Variants in RBFOX1 observed in about 807,000 individuals in gnomAD.
RBFOX1 encodes RNA binding fox-1 homolog 1.
A neutral mutation model predicts 57.7 loss-of-function variants in RBFOX1; 8 were observed. The observed-to-expected ratio is 0.14, with a 90% CI of 0.08 to 0.25. RBFOX1 has a LOEUF of 0.25. RBFOX1 is among the 10% of genes least tolerant of loss of function. RBFOX1 has a pLI of 1.00. For missense variants in RBFOX1, 611 were observed against 548.5 expected, an observed-to-expected ratio of 1.11 and a Z score of -1.14; for synonymous variants, 326 against 222.4, an observed-to-expected ratio of 1.47 and a Z score of -4.15.
intron 2 of RBFOX1, among the ~76,000 whole-genome samples, chr16:6,480,363 A>C (rs2095354352): frequency 6.6e-6 from 1 of 152,248 alleles, no homozygotes; most frequent in African/African-American, 2.4e-5. Context: ...TCTCACAGAC[A>C]CTAAACTCCG....
intron 3 of RBFOX1, among the ~76,000 whole-genome samples, chr16:5,790,239 A>G (rs1181332809): frequency 6.6e-6 from 1 of 152,244 alleles, no homozygotes; most frequent in Non-Finnish European, 1.5e-5. Flanking sequence ...TTCCATGGCC[A>G]TGCCTTGTGG....
intron 3 of RBFOX1, among the ~76,000 whole-genome samples, chr16:6,864,989 C>CTTTT (rs1555544471): frequency 5.7e-5 from 6 of 105,798 alleles, no homozygotes; most frequent in African/African-American, 1.5e-4. Flanking sequence ...GTGGGTTTTT[C>CTTTT]TTTTTCTTTT....
chr16:7,035,383 G>A (rs1033432320), intron 3 of RBFOX1, among the ~76,000 whole-genome samples: 1 of 152,178 alleles, frequency 6.6e-6, no homozygotes, highest in Non-Finnish European at 1.5e-5. Flanking sequence ...TACGGATCAC[G>A]TTATACACTT....
chr16:7,368,569 G>T (rs1002494676), intron 4 of RBFOX1, among the ~76,000 whole-genome samples: 2 of 151,922 alleles, frequency 1.3e-5, no homozygotes, highest in African/African-American at 4.8e-5. Flanking sequence ...ATGAGGTCAG[G>T]AGATCAAGAC....
At chr16:7,207,910 G>A (rs911950894) in intron 4 of RBFOX1, among the ~76,000 whole-genome samples, 1 of 152,126 alleles carries the variant, frequency 6.6e-6, no homozygotes, top group Admixed American at 6.6e-5. Context: ...AACTCCACAG[G>A]GTGCATCCTC....
rs184128259 is a variant in RBFOX1 at position 5,606,186 on chromosome 16, A to G, written c.318+7225A>G. 3.0e-3 allele frequency among the ~76,000 whole-genome samples: 455 copies of G among 152,186 alleles called. 4 individuals are homozygous for G. The highest frequency in any genetic ancestry group is 4.2e-3 in the Non-Finnish European group (283 of 68,012). On this transcript the variant is annotated intron_variant, in intron 3 of 19. Transcript: ENST00000641259. ...AGAGAGCAAGGTCCTGTGATTTCAT[A>G]CTTGGCATTGGGATACTATCTGGTG...
chr16:5,491,063 T>C (rs1242777027), intron 2 of RBFOX1, among the ~76,000 whole-genome samples: 2 of 152,316 alleles, frequency 1.3e-5, no homozygotes, highest in East Asian at 3.9e-4. Context: ...TCAAATTCCA[T>C]ATATCAGGTT....
intron 1 of RBFOX1, among the ~76,000 whole-genome samples, chr16:6,068,786 C>G (rs1310053593): frequency 2.6e-5 from 4 of 152,102 alleles, no homozygotes; most frequent in Non-Finnish European, 5.9e-5. Flanking sequence ...CTCTGGAAAA[C>G]TTTCTAATTT....
At chr16:7,476,600 A>G (rs772387119) in intron 4 of RBFOX1, among the ~76,000 whole-genome samples, 30 of 152,188 alleles carry the variant, frequency 2.0e-4, no homozygotes, top group Admixed American at 1.3e-4. Context: ...AACATTCTGA[A>G]ATGAAGTCTT....
At chr16:5,783,048 A>G (rs953370066) in intron 3 of RBFOX1, among the ~76,000 whole-genome samples, 3 of 152,218 alleles carry the variant, frequency 2.0e-5, no homozygotes, top group Non-Finnish European at 4.4e-5. Flanking sequence ...CACACCCAGA[A>G]GTAATATTTC....
intron 3 of RBFOX1, among the ~76,000 whole-genome samples, chr16:6,775,204 CG>C (rs2079107442): frequency 6.7e-6 from 1 of 149,694 alleles, no homozygotes; most frequent in Non-Finnish European, 1.5e-5. Flanking sequence ...TGGTGTGGTT[CG>C]GACGCCTGTA....
intron 3 of RBFOX1, among the ~76,000 whole-genome samples, chr16:5,808,123 G>T (rs917348871): frequency 6.6e-6 from 1 of 152,168 alleles, no homozygotes; most frequent in Admixed American, 6.5e-5. Flanking sequence ...ATGTGACTAT[G>T]TATGGAGATA....
chr16:6,483,162 C>A, intron 2 of RBFOX1: 1 of 1,094,686 alleles, frequency 9.1e-7, no homozygotes, highest in Non-Finnish European at 1.1e-6. Flanking sequence ...AAACATTGGG[C>A]GTCTCATTTG....
At chr16:6,078,217 C>T (rs970869707) in intron 1 of RBFOX1, among the ~76,000 whole-genome samples, 3 of 152,062 alleles carry the variant, frequency 2.0e-5, no homozygotes, top group African/African-American at 7.2e-5. Flanking sequence ...AAAGGATTGT[C>T]GTCATTTTTG....
chr16:6,947,869 T>C (rs1384403003), intron 3 of RBFOX1, among the ~76,000 whole-genome samples: 2 of 152,158 alleles, frequency 1.3e-5, no homozygotes, highest in Non-Finnish European at 2.9e-5. Flanking sequence ...GTCCACCTCA[T>C]GGGTTCAAGC....
chr16:6,584,001 T>TAAAA (rs3045197), intron 2 of RBFOX1, among the ~76,000 whole-genome samples: 1 of 146,036 alleles, frequency 6.8e-6, no homozygotes, highest in Admixed American at 6.8e-5. Flanking sequence ...CAACAACATT[T>TAAAA]AAAAAAAAAA....
chr16:5,867,337 T>C lies in RBFOX1; in HGVS notation c.351+2T>C. ...AGTCAGGCTACAGGCAAAGCTGAGG[T>C]AGGAAACGTGGTTTTTCTGTCCCTT... On this transcript the variant is annotated splice_donor_variant, in intron 4 of 19. Transcript: ENST00000641259. LOFTEE classifies it high-confidence loss of function. 8.3e-7 allele frequency: 1 copy of C among 1,204,872 alleles called. No individual in the cohort carries two copies. Among genetic ancestry groups the C allele is most frequent in the Non-Finnish European group, 1.0e-6 (1 of 963,412 alleles). The allele number at this position is 1,204,872 out of a possible 1,614,324, so 74.6% of individuals were successfully genotyped here.
At chr16:5,809,189 C>T (rs2055334846) in intron 3 of RBFOX1, among the ~76,000 whole-genome samples, 1 of 152,162 alleles carries the variant, frequency 6.6e-6, no homozygotes, top group Admixed American at 6.5e-5. Flanking sequence ...GGATTCAAGA[C>T]TTAAACATTA....
intron 2 of RBFOX1, among the ~76,000 whole-genome samples, chr16:6,472,185 A>G (rs1253716690): frequency 2.0e-5 from 3 of 152,156 alleles, no homozygotes; most frequent in African/African-American, 7.2e-5. Flanking sequence ...ATCTGATTTG[A>G]CCAGGTAGGG....
Sources: gnomAD v4.1 joint callset for allele counts (sites outside exome capture counted in the v4.1 genomes callset) on GRCh38, gnomAD v4.1.1 for gene constraint, MANE v1.5 for transcripts, NCBI Gene and HGNC (gene_info 2026-07-23, HGNC 2026-07-21) for gene names.